The following KIF6 variants were observed in gnomAD, a reference collection of about 807,000 sequenced individuals.
KIF6 encodes the protein kinesin family member 6.
Under a neutral mutation model 112.7 loss-of-function variants are expected in KIF6, and 106 were observed. That is an observed-to-expected ratio of 0.94 (90% CI 0.80 to 1.11). KIF6 has a LOEUF of 1.11. Ranked by LOEUF, KIF6 falls within the 50% of genes least tolerant of loss-of-function variation. KIF6 has a pLI of 0.00. For missense variants in KIF6, 929 were observed against 964.0 expected (o/e 0.96, Z 0.48); for synonymous variants, 339 against 339.9 (o/e 1.00, Z 0.03).
chr6:39,615,841 C>A (rs1252766221), intron 5 of KIF6, among the ~76,000 whole-genome samples: 1 of 152,082 alleles, frequency 6.6e-6, no homozygotes, highest in Non-Finnish European at 1.5e-5. Flanking sequence ...GACTGTCTTT[C>A]CAGGGCAAGT....
intron 13 of KIF6, among the ~76,000 whole-genome samples, chr6:39,494,760 T>C (rs1486384556): frequency 6.6e-6 from 1 of 151,676 alleles, no homozygotes; most frequent in African/African-American, 2.4e-5. Context: ...TTTAACCAAA[T>C]AGGTAAAATC....
chr6:39,394,037 C>T (rs890522984), intron 15 of KIF6, among the ~76,000 whole-genome samples: 25 of 151,994 alleles, frequency 1.6e-4, no homozygotes, highest in South Asian at 8.3e-4. Context: ...TGTTTGTGCA[C>T]GCACATATGC....
chr6:39,507,297 A>G (rs1033466758), intron 13 of KIF6, among the ~76,000 whole-genome samples: 3 of 152,150 alleles, frequency 2.0e-5, no homozygotes, highest in African/African-American at 7.2e-5. Context: ...GAGAATTGCT[A>G]GGAATGGAAA....
chr6:39,380,046 A>G (rs1748343640), intron 16 of KIF6, among the ~76,000 whole-genome samples: 1 of 152,268 alleles, frequency 6.6e-6, no homozygotes, highest in Non-Finnish European at 1.5e-5. Context: ...GATTAGTCTC[A>G]TCTGCATTAT....
chr6:39,460,291 G>A (rs1274170250), intron 13 of KIF6, among the ~76,000 whole-genome samples: 5 of 116,758 alleles, frequency 4.3e-5, no homozygotes, highest in Admixed American at 1.9e-4. Context: ...ACCAAACACC[G>A]CATATTCTCA....
chr6:39,705,221 A>G (rs1226352121), intron 3 of KIF6, among the ~76,000 whole-genome samples: 2 of 152,168 alleles, frequency 1.3e-5, no homozygotes. Flanking sequence ...TAAACTACAG[A>G]TAGTTCTGAT....
In KIF6 at chr6:39,332,713, G is replaced by A. The variant is rs1762782974; in HGVS notation, c.*3819C>T. 1 of 152,360 alleles carries A rather than the reference G, an allele frequency of 6.6e-6. No individual in the cohort carries two copies. Among genetic ancestry groups the A allele is most frequent in the Admixed American group, 6.5e-5 (1 of 15,304 alleles). 9.4% of individuals were successfully genotyped at this position (152,360 alleles called of 1,614,324 possible). A position where few individuals can be genotyped will look rare whatever the true frequency, so the allele number is the denominator to read the frequency against. ...TTGGGTAATTTCTTCACATGCAGAT[G>A]TTGATCGGTAGTTAGCTGAAGACTC... On this transcript the variant is annotated 3_prime_UTR_variant, in exon 23 of 23. Coordinates refer to ENST00000287152, the MANE Select transcript of KIF6 (RefSeq NM_145027.6).
chr6:39,522,343 CAA>C (rs1359684811), intron 13 of KIF6, among the ~76,000 whole-genome samples: 1 of 152,188 alleles, frequency 6.6e-6, no homozygotes, highest in Non-Finnish European at 1.5e-5. Context: ...TATATTGGAT[CAA>C]AGAGTGAAAA....
chr6:39,433,372 T>C (rs1035970641), intron 13 of KIF6, among the ~76,000 whole-genome samples: 4 of 152,232 alleles, frequency 2.6e-5, no homozygotes. Flanking sequence ...AAGGTCCTAC[T>C]AAGAAATTCG....
intron 15 of KIF6, among the ~76,000 whole-genome samples, chr6:39,391,557 T>C (rs1160205557): frequency 6.6e-6 from 1 of 152,212 alleles, no homozygotes; most frequent in Non-Finnish European, 1.5e-5. Context: ...TTGTCTTTAC[T>C]GGAGTTGATT....
At chr6:39,632,858 G>A (rs1456386844) in intron 5 of KIF6, among the ~76,000 whole-genome samples, 1 of 152,040 alleles carries the variant, frequency 6.6e-6, no homozygotes, top group African/African-American at 2.4e-5. Flanking sequence ...CTGACCTTGT[G>A]ATCTGCCTGC....
At chr6:39,351,229 CT>C (rs200524823) in intron 19 of KIF6, among the ~76,000 whole-genome samples, 1,252 of 54,314 alleles carry the variant, frequency 0.023, 18 homozygotes, top group African/African-American at 0.072. Flanking sequence ...TCTTTTCTTT[CT>C]TTTTTTTTTC....
chr6:39,353,279 G>T (rs1202410332), intron 19 of KIF6, among the ~76,000 whole-genome samples: 1 of 152,156 alleles, frequency 6.6e-6, no homozygotes, highest in South Asian at 2.1e-4. Context: ...TATGTATGTA[G>T]TGGTATCTCA....
At chr6:39,530,778 C>G (rs13213488) in intron 13 of KIF6, among the ~76,000 whole-genome samples, 1 of 152,054 alleles carries the variant, frequency 6.6e-6, no homozygotes, top group Non-Finnish European at 1.5e-5. Flanking sequence ...TTAGAAGCAG[C>G]CCTAGGGACA....
chr6:39,503,984 G>A (rs1238902732), intron 13 of KIF6, among the ~76,000 whole-genome samples: 2 of 152,116 alleles, frequency 1.3e-5, no homozygotes, highest in South Asian at 2.1e-4. Flanking sequence ...GAAAAGGAGG[G>A]ACTCCTTCCT....
At chr6:39,495,604 G>A (rs1031368428) in intron 13 of KIF6, among the ~76,000 whole-genome samples, 5 of 152,084 alleles carry the variant, frequency 3.3e-5, no homozygotes, top group African/African-American at 9.7e-5. Flanking sequence ...GAGGTGGGGT[G>A]GTGCTATGAT....
chr6:39,382,971 T>TTTTTTTTTTTTTTTTTTTTTTGAGACG (rs1562157109), intron 16 of KIF6, among the ~76,000 whole-genome samples: 3 of 147,558 alleles, frequency 2.0e-5, no homozygotes, highest in African/African-American at 5.2e-5. Flanking sequence ...TGTCTTCTTT[T>TTTTTTTTTTTTTTTTTTTTTTGAGACG]GAGAAGTGTC....
At chr6:39,533,170 G>A (rs2150547888) in intron 13 of KIF6, among the ~76,000 whole-genome samples, 1 of 152,330 alleles carries the variant, frequency 6.6e-6, no homozygotes, top group South Asian at 2.1e-4. Flanking sequence ...CAAGACAGTG[G>A]GTGTAGTGCA....
intron 5 of KIF6, among the ~76,000 whole-genome samples, chr6:39,616,258 G>GCACTTAAACACATCTCTGCCA (rs1352002261): frequency 4.6e-5 from 7 of 152,274 alleles, no homozygotes; most frequent in Non-Finnish European, 7.4e-5. Flanking sequence ...AGCTACTTCA[G>GCACTTAAACACATCTCTGCCA]AACTATTACA....
Sources: allele counts gnomAD v4.1 joint callset (sites outside exome capture counted in the v4.1 genomes callset), GRCh38; gene constraint gnomAD v4.1.1; transcripts MANE v1.5; gene names NCBI Gene and HGNC (gene_info 2026-07-23, HGNC 2026-07-21).